Variants in TMC2 observed in about 807,000 individuals in gnomAD.
The protein encoded by TMC2 is transmembrane channel-like protein 2.
Under a neutral mutation model 105.9 loss-of-function variants are expected in TMC2, and 102 were observed. That is an observed-to-expected ratio of 0.96 (90% CI 0.82 to 1.14). The LOEUF is 1.14. TMC2 is among the 50% of genes most tolerant of loss of function. The probability of loss-of-function intolerance (pLI) is 0.00; values close to 1 mark genes in which losing one functional copy is unlikely to be tolerated. For synonymous variants in TMC2, 402 were observed against 422.8 expected (o/e 0.95, Z 0.60); for missense variants, 1,093 against 1,134.3 (o/e 0.96, Z 0.52).
chr20:2,578,915 G>T (rs114857067), intron 5 of TMC2, among the ~76,000 whole-genome samples: 1,865 of 152,312 alleles, frequency 0.012, 55 homozygotes, highest in African/African-American at 0.043. Context: ...ACAGTAAGGG[G>T]TGGCCCTCAC....
At chr20:2,637,039 T>G (rs760358636) in intron 18 of TMC2, among the ~76,000 whole-genome samples, 4 of 152,134 alleles carry the variant, frequency 2.6e-5, no homozygotes, top group Non-Finnish European at 4.4e-5. Flanking sequence ...AGCCTCAGGC[T>G]GCCCTCTCCA....
chr20:2,559,724 A>G (rs2086012016), intron 3 of TMC2, among the ~76,000 whole-genome samples: 1 of 152,100 alleles, frequency 6.6e-6, no homozygotes, highest in Non-Finnish European at 1.5e-5. Flanking sequence ...TCCTGTCGCC[A>G]TGCCAACCAT....
chr20:2,543,927 G>C (rs2085907487), intron 2 of TMC2, among the ~76,000 whole-genome samples: 1 of 144,066 alleles, frequency 6.9e-6, no homozygotes, highest in South Asian at 2.2e-4. Context: ...TTTTGAGACA[G>C]AGTCTCGCTC....
At chr20:2,599,761 G>T (rs1297785202) in intron 10 of TMC2, among the ~76,000 whole-genome samples, 4 of 151,982 alleles carry the variant, frequency 2.6e-5, no homozygotes, top group Non-Finnish European at 5.9e-5. Context: ...AGTTCTTTAT[G>T]GCTCAATATT....
Position 2,597,885 on chromosome 20 carries a change from G to C in TMC2, c.1224+587G>C, listed in dbSNP as rs572401485. On this transcript the variant is annotated intron_variant, in intron 10 of 19. Transcript: ENST00000358864. The stretch of plus-strand genomic sequence containing the variant: ...GTGAAACACATTTCTGCTGGAATAA[G>C]TGGAAGGACTCATTTGGGGAAAGCA... Among the ~76,000 whole-genome samples the C allele has an allele frequency of 3.3e-5, 5 of 152,252 alleles. No homozygotes were observed. The East Asian group carries it at 7.7e-4, about 24-fold the overall frequency.
intron 17 of TMC2, among the ~76,000 whole-genome samples, chr20:2,626,813 G>T (rs1568529697): frequency 6.6e-6 from 1 of 152,178 alleles, no homozygotes; most frequent in African/African-American, 2.4e-5. Flanking sequence ...CTACGGGACT[G>T]AACGAAGTAG....
chr20:2,614,816 A>C (rs1375538395), intron 14 of TMC2, among the ~76,000 whole-genome samples: 7 of 151,848 alleles, frequency 4.6e-5, no homozygotes. Context: ...AATATATATA[A>C]ATTATATAAA....
At position 2,579,943 on chromosome 20, in the gene TMC2, T is replaced by C; in HGVS notation, c.728-7T>C. The C allele has an allele frequency of 1.2e-6, 2 of 1,607,594 alleles. No individual in the cohort carries two copies. The highest frequency in any genetic ancestry group is 1.7e-6 in the Non-Finnish European group (2 of 1,174,212). Reference sequence around the variant, plus strand: ...GCACTCATACCCACCGTCTTTTCTCTCTCTAGGTCACTTTGGTTCTTCAGT... The same window carrying C: ...GCACTCATACCCACCGTCTTTTCTCCCTCTAGGTCACTTTGGTTCTTCAGT... On this transcript the variant is annotated splice_region_variant and splice_polypyrimidine_tract_variant and intron_variant, in intron 6 of 19. Coordinates refer to ENST00000358864, the MANE Select transcript of TMC2 (RefSeq NM_080751.3).
In TMC2 at chr20:2,603,014, G is replaced by A. The variant is rs114408503; in HGVS notation, c.1413+713G>A. On this transcript the variant is annotated intron_variant, in intron 11 of 19. Transcript: ENST00000358864. ...ACATGCAGAGATTTGAATAGTGCTT[G>A]TGTATTGAGACTTGCTCTTTTACTG... 5.1e-3 allele frequency among the ~76,000 whole-genome samples: 771 copies of A among 152,318 alleles called. 9 individuals are homozygous for A. The highest frequency in any genetic ancestry group is 0.017 in the African/African-American group (724 of 41,570).
At chr20:2,609,904 G>A (rs2146235089) in intron 11 of TMC2, among the ~76,000 whole-genome samples, 1 of 152,296 alleles carries the variant, frequency 6.6e-6, no homozygotes, top group South Asian at 2.1e-4. Context: ...CTGGAGTGCA[G>A]TGGTGCAATC....
At chr20:2,572,917 G>GT (rs2086113737) in intron 5 of TMC2, among the ~76,000 whole-genome samples, 1 of 151,642 alleles carries the variant, frequency 6.6e-6, no homozygotes, top group Non-Finnish European at 1.5e-5. Flanking sequence ...TTTACCTTTG[G>GT]TTTTTTGTTT....
intron 12 of TMC2, among the ~76,000 whole-genome samples, chr20:2,611,691 G>A (rs765513899): frequency 1.5e-4 from 23 of 152,128 alleles, no homozygotes; most frequent in Admixed American, 2.6e-4. Context: ...CTTTCTGAGC[G>A]AACCTCCATC....
intron 13 of TMC2, among the ~76,000 whole-genome samples, 162 bp downstream of exon 13, chr20:2,612,502 C>G (rs2086448647): frequency 6.6e-6 from 1 of 152,130 alleles, no homozygotes; most frequent in Non-Finnish European, 1.5e-5. Flanking sequence ...CAAAGCAGAT[C>G]CTGTGACCCC....
intron 14 of TMC2, 165 bp downstream of exon 14, chr20:2,613,487 C>T (rs1163116428): frequency 2.0e-6 from 2 of 1,009,830 alleles, no homozygotes; most frequent in South Asian, 1.4e-5. Context: ...TTTAAGGGTC[C>T]TATTTGCCTT....
At chr20:2,562,089 T>C in intron 4 of TMC2, 79 bp downstream of exon 4, 1 of 1,513,752 alleles carries the variant, frequency 6.6e-7, no homozygotes, top group East Asian at 2.3e-5. Context: ...TCCCTCCACA[T>C]TTCCCCAAAG....
intron 2 of TMC2, among the ~76,000 whole-genome samples, chr20:2,553,187 A>G (rs935348469): frequency 6.6e-6 from 1 of 152,162 alleles, no homozygotes; most frequent in African/African-American, 2.4e-5. Flanking sequence ...CTTGAGGGGA[A>G]AGTATCTAGT....
chr20:2,540,708 T>A (rs1410322182), intron 2 of TMC2, among the ~76,000 whole-genome samples: 3 of 149,364 alleles, frequency 2.0e-5, no homozygotes, highest in Non-Finnish European at 1.5e-5. Context: ...TTCAGACCCA[T>A]GTTTGGTGCC....
chr20:2,579,495 C>G (rs1394970071), intron 6 of TMC2, among the ~76,000 whole-genome samples: 1 of 151,626 alleles, frequency 6.6e-6, no homozygotes, highest in Non-Finnish European at 1.5e-5. Context: ...GATCTTGGCT[C>G]ACTGCAACCT....
intron 16 of TMC2, among the ~76,000 whole-genome samples, chr20:2,620,398 G>T (rs1023288564): frequency 6.6e-6 from 1 of 152,192 alleles, no homozygotes; most frequent in African/African-American, 2.4e-5. Context: ...AGATCAAAAG[G>T]TCTGAATATC....
Sources: gnomAD v4.1 joint callset for allele counts (sites outside exome capture counted in the v4.1 genomes callset) on GRCh38, gnomAD v4.1.1 for gene constraint, MANE v1.5 for transcripts, NCBI Gene and HGNC (gene_info 2026-07-23, HGNC 2026-07-21) for gene names.